RIMS2: variants seen among roughly 807,000 people sequenced by gnomAD.
RIMS2 encodes regulating synaptic membrane exocytosis 2, also known as regulating synaptic membrane exocytosis protein 2.
Under a neutral mutation model 174.4 loss-of-function variants are expected in RIMS2, and 59 were observed. That is an observed-to-expected ratio of 0.34 (90% confidence interval 0.27 to 0.42). The LOEUF is 0.42. RIMS2 is among the 10% of genes least tolerant of loss of function. The pLI is 1.00. For synonymous variants in RIMS2, 606 were observed against 572.5 expected, an observed-to-expected ratio of 1.06 and a Z score of -0.84; for missense variants, 1,620 against 1,666.3, an observed-to-expected ratio of 0.97 and a Z score of 0.48.
intron 1 of RIMS2, among the ~76,000 whole-genome samples, chr8:103,663,110 A>G (rs2096624114): frequency 6.6e-6 from 1 of 152,184 alleles, no homozygotes; most frequent in South Asian, 2.1e-4. Flanking sequence ...CAGAGATTGC[A>G]GTGAGCTGAG....
rs142213823 is a variant in RIMS2 at position 104,143,734 on chromosome 8, T to A, written c.3335-101182T>A. On this transcript the variant is annotated intron_variant, in intron 19 of 23. Transcript: ENST00000504942. Reference sequence around the variant, plus strand: ...CCTGGAACTATCCCTGTCTACTTTCTATCCTTCAATGTATTTTCTGTCCCT... The same window carrying A: ...CCTGGAACTATCCCTGTCTACTTTCAATCCTTCAATGTATTTTCTGTCCCT... Among the ~76,000 whole-genome samples the A allele has an allele frequency of 2.2e-3, 340 of 152,322 alleles. 2 individuals carry two copies. The highest frequency in any genetic ancestry group is 7.9e-3 in the African/African-American group (327 of 41,572).
intron 1 of RIMS2, among the ~76,000 whole-genome samples, chr8:103,561,993 T>C (rs1247992831): frequency 6.6e-6 from 1 of 152,182 alleles, no homozygotes; most frequent in Non-Finnish European, 1.5e-5. Flanking sequence ...GTGAGACTTA[T>C]TCACTATCAT....
chr8:104,157,785 G>T (rs1596975), intron 19 of RIMS2, among the ~76,000 whole-genome samples: 120,282 of 152,180 alleles, frequency 0.79, 48,264 homozygotes, highest in East Asian at 1. Flanking sequence ...TGTATATGGG[G>T]GTACAAATAT....
At position 103,670,844 on chromosome 8, in the gene RIMS2, G is replaced by A. The variant is rs138578674; in HGVS notation, c.177-26242G>A. Among the ~76,000 whole-genome samples, 1,388 of 152,234 alleles carry A rather than the reference G, an allele frequency of 9.1e-3. 14 individuals carry two copies. The highest frequency in any genetic ancestry group is 0.014 in the Non-Finnish European group (958 of 68,024). On this transcript the variant is annotated intron_variant, in intron 1 of 23. Transcript: ENST00000504942. ...ACATTTTGCTGTCTTCTTCTGAGCCGTCCAGACTGTCCAAATCTCTGGACT... is the reference window on the plus strand; with the variant it reads ...ACATTTTGCTGTCTTCTTCTGAGCCATCCAGACTGTCCAAATCTCTGGACT...
intron 3 of RIMS2, among the ~76,000 whole-genome samples, chr8:103,814,699 A>T (rs1478672274): frequency 6.6e-6 from 1 of 151,806 alleles, no homozygotes; most frequent in Non-Finnish European, 1.5e-5. Flanking sequence ...ACATAGTGAG[A>T]CCCCCTCCAT....
intron 2 of RIMS2, among the ~76,000 whole-genome samples, chr8:103,742,662 G>C (rs896199766): frequency 5.3e-5 from 8 of 152,092 alleles, no homozygotes; most frequent in African/African-American, 1.9e-4. Context: ...CTTGTAAGTT[G>C]CTAATACCCT....
intron 19 of RIMS2, among the ~76,000 whole-genome samples, chr8:104,239,886 C>T (rs1458719161): frequency 2.0e-5 from 3 of 152,074 alleles, no homozygotes; most frequent in Non-Finnish European, 4.4e-5. Context: ...GAGTTCTTGT[C>T]TGGAGGTTCT....
At chr8:103,822,721 A>C (rs773510672) in intron 3 of RIMS2, among the ~76,000 whole-genome samples, 2 of 151,932 alleles carry the variant, frequency 1.3e-5, no homozygotes, top group East Asian at 3.8e-4. Context: ...TGCATCCTGC[A>C]TAAACTCACT....
chr8:103,523,451 A>C (rs367730726), intron 1 of RIMS2, among the ~76,000 whole-genome samples: 1 of 152,100 alleles, frequency 6.6e-6, no homozygotes, highest in Admixed American at 6.6e-5. Flanking sequence ...TGTGACCATT[A>C]GTTATTTTTA....
At chr8:104,012,150 C>G (rs1192774682) in intron 17 of RIMS2, among the ~76,000 whole-genome samples, 2 of 151,768 alleles carry the variant, frequency 1.3e-5, no homozygotes, top group Non-Finnish European at 2.9e-5. Flanking sequence ...GAAAGTAAAT[C>G]ACATGATAGT....
chr8:103,631,511 C>T (rs1181727998), intron 1 of RIMS2, among the ~76,000 whole-genome samples: 2 of 152,208 alleles, frequency 1.3e-5, no homozygotes, highest in Non-Finnish European at 2.9e-5. Flanking sequence ...TGTACCAGTA[C>T]CGAGCTGTTT....
chr8:103,531,486 T>C (rs1383416691), intron 1 of RIMS2, among the ~76,000 whole-genome samples: 1 of 152,224 alleles, frequency 6.6e-6, no homozygotes, highest in Non-Finnish European at 1.5e-5. Context: ...CTGGAGTTGC[T>C]GGGAGGTGTT....
chr8:103,811,291 G>A (rs182086709), intron 3 of RIMS2, among the ~76,000 whole-genome samples: 15 of 152,084 alleles, frequency 9.9e-5, no homozygotes, highest in Admixed American at 7.9e-4. Flanking sequence ...CAGGGATCTT[G>A]GTCCTCTTTC....
intron 2 of RIMS2, among the ~76,000 whole-genome samples, chr8:103,753,298 G>A (rs2097919035): frequency 6.6e-6 from 1 of 152,180 alleles, no homozygotes. Context: ...CTTGATCATG[G>A]TGGATAAGCT....
chr8:103,571,569 A>G (rs2092807041), intron 1 of RIMS2, among the ~76,000 whole-genome samples: 1 of 152,080 alleles, frequency 6.6e-6, no homozygotes, highest in Non-Finnish European at 1.5e-5. Context: ...TCATATGTAT[A>G]TTTGTGTGTA....
intron 19 of RIMS2, among the ~76,000 whole-genome samples, chr8:104,095,056 A>G (rs903035986): frequency 2.0e-5 from 3 of 152,262 alleles, no homozygotes; most frequent in African/African-American, 7.2e-5. Flanking sequence ...AATAAAGATC[A>G]TTGAAAAGAG....
chr8:104,170,677 G>A (rs1279397790), intron 19 of RIMS2, among the ~76,000 whole-genome samples: 1 of 151,922 alleles, frequency 6.6e-6, no homozygotes, highest in African/African-American at 2.4e-5. Flanking sequence ...ACTGAGATAT[G>A]ATGTACTATT....
chr8:103,554,042 T>C (rs764112698), intron 1 of RIMS2, among the ~76,000 whole-genome samples: 13 of 151,928 alleles, frequency 8.6e-5, no homozygotes, highest in Non-Finnish European at 1.8e-4. Context: ...CTTATACAAA[T>C]AGCAACTCAA....
At chr8:103,815,615 A>G (rs2098713750) in intron 3 of RIMS2, among the ~76,000 whole-genome samples, 1 of 152,140 alleles carries the variant, frequency 6.6e-6, no homozygotes, top group Admixed American at 6.5e-5. Flanking sequence ...TTTTGAGTTT[A>G]TCTAATTTTT....
Sources: allele counts gnomAD v4.1 joint callset (sites outside exome capture counted in the v4.1 genomes callset), GRCh38; gene constraint gnomAD v4.1.1; transcripts MANE v1.5; gene names NCBI Gene and HGNC (gene_info 2026-07-23, HGNC 2026-07-21).